TRPM5: variants seen among roughly 807,000 people sequenced by gnomAD.
The protein encoded by TRPM5 is MLSN1 and TRP-related.
TRPM5 carries 121 observed loss-of-function variants against 124.9 expected under a neutral mutation model. That is an observed-to-expected ratio of 0.97 (90% CI 0.84 to 1.13). TRPM5 has a LOEUF of 1.13. Among genes scored for constraint, TRPM5 ranks in the 50% most tolerant of loss-of-function variants. The probability of loss-of-function intolerance (pLI) is 0.00; values close to 1 mark genes in which losing one functional copy is unlikely to be tolerated. For missense variants in TRPM5, 1,643 were observed against 1,589.1 expected (o/e 1.03, Z -0.58); for synonymous variants, 781 against 700.5 (o/e 1.11, Z -1.81).
Position 2,409,516 on chromosome 11 carries a change from G to A in TRPM5, c.2783-1604C>T, listed in dbSNP as rs61873462. 1.5e-3 allele frequency among the ~76,000 whole-genome samples: 234 copies of A among 152,318 alleles called. 1 individual carries two copies. The highest frequency in any genetic ancestry group is 2.8e-3 in the Non-Finnish European group (188 of 68,038). On this transcript the variant is annotated intron_variant, in intron 18 of 23. Transcript: ENST00000155858. ...CACAGCTCAACCCCAGCTCCGGCTC[G>A]GCACGAGTGCAGAGTGGGGCAGGGG...
chr11:2,406,104 C>G lies in TRPM5; in HGVS notation c.3252-13G>C. On this transcript the variant is annotated splice_polypyrimidine_tract_variant and intron_variant, in intron 21 of 23. Coordinates refer to ENST00000155858, the Ensembl canonical transcript of TRPM5. ...AATGAAGTCCACTCTGCGGCAGGAG[C>G]AGGTGGTCAGGCTGTGGATGGCCAC... is the stretch of plus-strand genomic sequence containing the variant. The G allele has an allele frequency of 6.2e-7, 1 of 1,610,478 alleles. No individual in the cohort carries two copies. Among genetic ancestry groups the G allele is most frequent in the African/African-American group, 1.3e-5 (1 of 75,012 alleles).
At chr11:2,417,680 T>C in intron 7 of TRPM5, 47 bp downstream of exon 12, 1 of 1,487,786 alleles carries the variant, frequency 6.7e-7, no homozygotes, top group South Asian at 1.2e-5. Flanking sequence ...GCTCTGAGCA[T>C]GAAGCCCCCC....
At chr11:2,404,873 A>C (rs886365095) in exon 24 of TRPM5, 2 of 1,403,004 alleles carry the variant, frequency 1.4e-6, no homozygotes, top group Non-Finnish European at 2.0e-6. Flanking sequence ...GGCAAAGGTC[A>C]GTGCACAACG....
chr11:2,422,102 G>T, intron 2 of TRPM5, 39 bp downstream of exon 7: 1 of 1,545,574 alleles, frequency 6.5e-7, no homozygotes, highest in South Asian at 1.2e-5. Context: ...GGGCTGCCCT[G>T]TGGGGTGGGA....
At chr11:2,439,951 G>A in the TRPM5 span, among the ~76,000 whole-genome samples, 1 of 152,178 alleles carries the variant, frequency 6.6e-6, no homozygotes, top group Non-Finnish European at 1.5e-5. Flanking sequence ...GTGGTAGACT[G>A]GGTAAAGAAA....
At chr11:2,434,693 GTGTGTGTC>G in the TRPM5 span, among the ~76,000 whole-genome samples, 43 of 151,832 alleles carry the variant, frequency 2.8e-4, no homozygotes, top group Non-Finnish European at 5.6e-4. Flanking sequence ...GCTGCACTGT[GTGTGTGTC>G]TGTGTGTCTG....
At chr11:2,412,083 A>T (rs1850464739) in intron 16 of TRPM5, 52 bp downstream of exon 21, 1 of 1,497,278 alleles carries the variant, frequency 6.7e-7, no homozygotes. Flanking sequence ...CTTCATCTGG[A>T]AGCCTGCCCA....
At chr11:2,405,167 C>T in intron 23 of TRPM5, 124 bp from the exon 29 acceptor site, 3 of 756,944 alleles carry the variant, frequency 4.0e-6, no homozygotes, top group South Asian at 3.5e-5. Context: ...TCCCCACAGG[C>T]CAGCCTGGGG....
intron 16 of TRPM5, 80 bp downstream of exon 21, chr11:2,412,055 C>T (rs983313753): frequency 7.8e-7 from 1 of 1,279,046 alleles, no homozygotes; most frequent in Non-Finnish European, 1.1e-6. Context: ...GTGCCACCGC[C>T]ACACCCAACC....
At chr11:2,429,049 CTGGTGGTGGTGATGATGGTTG>C in the TRPM5 span, among the ~76,000 whole-genome samples, 38 of 140,198 alleles carry the variant, frequency 2.7e-4, no homozygotes, top group South Asian at 8.6e-3. The surrounding 1 kb of genome is among the most constrained non-coding windows in gnomAD (Gnocchi z 8.4). Context: ...AGTGTTGGTA[CTGGTGGTGGTGATGATGGTTG>C]TGGTGGTGGT....
the TRPM5 span, among the ~76,000 whole-genome samples, chr11:2,438,226 A>G: frequency 6.6e-6 from 1 of 152,308 alleles, no homozygotes; most frequent in East Asian, 1.9e-4. This position sits in a 1 kb window ranked among gnomAD's most constrained non-coding sequence, Gnocchi z 5.9. Context: ...CACAGTCAAC[A>G]TCATATTGAA....
intron 18 of TRPM5, among the ~76,000 whole-genome samples, chr11:2,408,506 C>G (rs117654531): frequency 1.3e-5 from 2 of 152,252 alleles, no homozygotes; most frequent in South Asian, 2.1e-4. Flanking sequence ...GCACCGATCC[C>G]GCACTGGGCC....
intron 7 of TRPM5, among the ~76,000 whole-genome samples, chr11:2,417,207 T>C (rs976383719): frequency 6.6e-6 from 1 of 152,170 alleles, no homozygotes; most frequent in Non-Finnish European, 1.5e-5. Flanking sequence ...ACCTCAGCAC[T>C]TTGGGAGGCC....
intron 2 of TRPM5, among the ~76,000 whole-genome samples, chr11:2,421,766 C>T (rs924591765): frequency 1.3e-5 from 2 of 152,174 alleles, no homozygotes; most frequent in African/African-American, 4.8e-5. Flanking sequence ...CACCCGGGTG[C>T]TCTGGTCCCA....
chr11:2,414,543 G>A (rs1339620978), intron 11 of TRPM5, among the ~76,000 whole-genome samples, 172 bp downstream of exon 16: 1 of 152,190 alleles, frequency 6.6e-6, no homozygotes, highest in Non-Finnish European at 1.5e-5. Context: ...GTCTGGGGCC[G>A]CCTCCACCCC....
chr11:2,412,547 G>C (rs548844531), intron 15 of TRPM5, among the ~76,000 whole-genome samples: 1 of 152,380 alleles, frequency 6.6e-6, no homozygotes, highest in African/African-American at 2.4e-5. Flanking sequence ...TGACGAGGGA[G>C]ACCATGGTCA....
chr11:2,411,580 C>T, intron 17 of TRPM5, 54 bp from the exon 23 acceptor site: 1 of 1,609,140 alleles, frequency 6.2e-7, no homozygotes, highest in African/African-American at 1.3e-5. Context: ...GGGTGGGGCC[C>T]AGGCAGGGGA....
At chr11:2,407,295 G>A (rs762115012) in exon 20 of TRPM5, 9 of 1,609,142 alleles carry the variant, frequency 5.6e-6, no homozygotes, top group South Asian at 2.2e-5. Flanking sequence ...CACCTGGAAC[G>A]TGTAGCTGCA....
the TRPM5 span, among the ~76,000 whole-genome samples, chr11:2,439,249 T>A: frequency 6.6e-6 from 1 of 152,226 alleles, no homozygotes; most frequent in Non-Finnish European, 1.5e-5. Context: ...GGAAATACCA[T>A]TCTGGACATC....
Sources: gnomAD v4.1 joint callset for allele counts (sites outside exome capture counted in the v4.1 genomes callset) on GRCh38, gnomAD v4.1.1 for gene constraint, Gnocchi (gnomAD v3.1) non-coding constraint, MANE v1.5 for transcripts, NCBI Gene and HGNC (gene_info 2026-07-23, HGNC 2026-07-21) for gene names.